INSC: variants seen among roughly 807,000 people sequenced by gnomAD.
INSC encodes the protein protein inscuteable homolog.
Under a neutral mutation model 58.6 loss-of-function variants are expected in INSC, and 67 were observed. That is an observed-to-expected ratio of 1.14 (90% CI 0.94 to 1.40). The LOEUF is 1.40. Among genes scored for constraint, INSC ranks in the 40% most tolerant of loss-of-function variants. The probability of loss-of-function intolerance (pLI) is 0.00; values close to 1 mark genes in which losing one functional copy is unlikely to be tolerated. For missense variants in INSC, 714 were observed against 692.0 expected, an observed-to-expected ratio of 1.03 and a Z score of -0.36; for synonymous variants, 262 against 276.1, an observed-to-expected ratio of 0.95 and a Z score of 0.51.
intron 2 of INSC, among the ~76,000 whole-genome samples, chr11:15,167,356 C>T (rs1398597156): frequency 6.6e-6 from 1 of 152,066 alleles, no homozygotes; most frequent in African/African-American, 2.4e-5. Flanking sequence ...GGCAAGGATT[C>T]CCGCACTTAC....
intron 5 of INSC, among the ~76,000 whole-genome samples, chr11:15,186,200 C>T (rs1159214296): frequency 6.6e-6 from 1 of 152,156 alleles, no homozygotes; most frequent in East Asian, 1.9e-4. Flanking sequence ...ATAGCATCTT[C>T]CTATAGCTTT....
rs59630743 is a variant in INSC at position 15,239,761 on chromosome 11, G to A, written c.1394-686G>A. The stretch of plus-strand genomic sequence containing the variant: ...CACAAGAAGTAGCTCATGTTTATCT[G>A]GGTGAGTCAAAGAATGGTTTAACAA... On this transcript the variant is annotated intron_variant, in intron 11 of 12. Transcript: ENST00000379556. Among the ~76,000 whole-genome samples, 1,395 of 152,304 alleles carry A rather than the reference G, an allele frequency of 9.2e-3. 21 individuals carry two copies. Among genetic ancestry groups the A allele is most frequent in the African/African-American group, 0.032 (1,349 of 41,570 alleles).
At chr11:15,237,758 A>G (rs1235589810) in intron 10 of INSC, among the ~76,000 whole-genome samples, 1 of 152,196 alleles carries the variant, frequency 6.6e-6, no homozygotes, top group Non-Finnish European at 1.5e-5. Flanking sequence ...CGAGCTCACC[A>G]GAGACAGGAT....
Position 15,239,065 on chromosome 11 carries a change from C to A in INSC, c.1384C>A (p.Arg462=). Reference sequence around the variant, plus strand: ...CCCAGATGTGGCACGGGAGGCCGTGCGGCTCAGCTGTGAGTGGTGCTTTCT... The same window carrying A: ...CCCAGATGTGGCACGGGAGGCCGTGAGGCTCAGCTGTGAGTGGTGCTTTCT... ...RDPDVAREAV[R]LSCMSRLIEL... The change falls in exon 11 of 13, where the codon CGG becomes AGG. Residue 462 remains arginine, a synonymous_variant. Coordinates refer to ENST00000379556, the MANE Select transcript of INSC (RefSeq NM_001042536.3). 1 of 1,612,232 alleles carries A rather than the reference C, an allele frequency of 6.2e-7. No homozygotes were observed. Among genetic ancestry groups the A allele is most frequent in the Non-Finnish European group, 8.5e-7 (1 of 1,179,420 alleles).
At chr11:15,262,434 A>G in the INSC span, among the ~76,000 whole-genome samples, 1 of 152,146 alleles carries the variant, frequency 6.6e-6, no homozygotes, top group African/African-American at 2.4e-5. Flanking sequence ...ACTGCTGGAC[A>G]TACTGAGTCC....
intron 7 of INSC, among the ~76,000 whole-genome samples, chr11:15,218,569 T>C (rs992352858): frequency 6.6e-6 from 1 of 152,126 alleles, no homozygotes; most frequent in African/African-American, 2.4e-5. Flanking sequence ...TCTCTATATA[T>C]ATATATGTAC....
chr11:15,128,932 T>C (rs543677025), intron 1 of INSC, among the ~76,000 whole-genome samples: 35 of 152,278 alleles, frequency 2.3e-4, no homozygotes, highest in African/African-American at 8.2e-4. Flanking sequence ...GAAGCTTTTT[T>C]ATCTGCTTGG....
chr11:15,195,849 C>A (rs2133871612), intron 6 of INSC, among the ~76,000 whole-genome samples: 1 of 152,334 alleles, frequency 6.6e-6, no homozygotes, highest in Admixed American at 6.5e-5. Flanking sequence ...GGATGCTGGG[C>A]TGTATATTTA....
the INSC span, among the ~76,000 whole-genome samples, chr11:15,260,174 GT>G: frequency 2.6e-5 from 4 of 151,046 alleles, no homozygotes; most frequent in East Asian, 1.9e-4. Flanking sequence ...TCTGTTTTTT[GT>G]TTTTTTTGTT....
intron 9 of INSC, among the ~76,000 whole-genome samples, chr11:15,229,554 T>C (rs1851767324): frequency 1.3e-5 from 2 of 152,124 alleles, no homozygotes; most frequent in African/African-American, 4.8e-5. Context: ...GTAATGGGGA[T>C]AATAACATTT....
intron 1 of INSC, among the ~76,000 whole-genome samples, chr11:15,115,750 C>T (rs1847676876): frequency 6.6e-6 from 1 of 152,206 alleles, no homozygotes; most frequent in African/African-American, 2.4e-5. Context: ...ACATTCCTGT[C>T]CATGTGCACC....
intron 7 of INSC, among the ~76,000 whole-genome samples, chr11:15,212,180 C>T (rs1017542048): frequency 3.3e-5 from 5 of 152,174 alleles, no homozygotes; most frequent in Non-Finnish European, 5.9e-5. Flanking sequence ...TAGCTCACTG[C>T]AACCTCCGCC....
chr11:15,165,269 C>A (rs959974681), intron 2 of INSC, among the ~76,000 whole-genome samples: 1 of 151,874 alleles, frequency 6.6e-6, no homozygotes. Flanking sequence ...ATGTTTTTGA[C>A]TTTTAAGTAA....
chr11:15,229,969 TATATATATA>T lies in INSC; in HGVS notation c.1170+4142_1170+4150del, dbSNP rs1851811824. 1.2e-3 allele frequency among the ~76,000 whole-genome samples: 15 copies of T among 12,644 alleles called. 3 individuals carry two copies. Among genetic ancestry groups the T allele is most frequent in the African/African-American group, 2.7e-3 (7 of 2,548 alleles). 8.3% of individuals were successfully genotyped at this position (12,644 alleles called of 152,430 possible). A position where few individuals can be genotyped will look rare whatever the true frequency, so the allele number is the denominator to read the frequency against. On this transcript the variant is annotated intron_variant, in intron 9 of 12. Coordinates refer to ENST00000379556, the MANE Select transcript of INSC (RefSeq NM_001042536.3). ...AATATTATATATATATTTATATATATATATATATATTATATATATATATATATATATATA... is the reference window on the plus strand; with the variant it reads ...AATATTATATATATATTTATATATATTTATATATATATATATATATATATA...
chr11:15,213,167 T>G (rs1219918519), intron 7 of INSC, among the ~76,000 whole-genome samples: 1 of 151,772 alleles, frequency 6.6e-6, no homozygotes, highest in African/African-American at 2.4e-5. Context: ...ATACTTTAAG[T>G]TTTACAAACT....
intron 2 of INSC, among the ~76,000 whole-genome samples, chr11:15,151,790 T>C (rs1449308937): frequency 6.6e-6 from 1 of 152,156 alleles, no homozygotes; most frequent in Non-Finnish European, 1.5e-5. Context: ...ATGGGAAGGC[T>C]TCTGGGGTGT....
intron 1 of INSC, among the ~76,000 whole-genome samples, chr11:15,125,925 T>C (rs765979823): frequency 6.6e-5 from 10 of 152,078 alleles, no homozygotes; most frequent in African/African-American, 9.7e-5. Flanking sequence ...AGCTGAGTCT[T>C]GACAGGTGGG....
At chr11:15,113,511 G>A (rs1847623962), upstream of INSC, among the ~76,000 whole-genome samples, 1 of 152,190 alleles carries the variant, frequency 6.6e-6, no homozygotes, top group South Asian at 2.1e-4. Context: ...TCAGAGAGAA[G>A]ATTCTGCAAA....
chr11:15,237,517 G>A (rs988520616), intron 10 of INSC, among the ~76,000 whole-genome samples: 3 of 152,204 alleles, frequency 2.0e-5, no homozygotes, highest in East Asian at 3.9e-4. Flanking sequence ...GCAGTCTCAC[G>A]GGGTTTACCT....
Sources: gnomAD v4.1 joint callset for allele counts (sites outside exome capture counted in the v4.1 genomes callset) on GRCh38, gnomAD v4.1.1 for gene constraint, MANE v1.5 for transcripts, NCBI Gene and HGNC (gene_info 2026-07-23, HGNC 2026-07-21) for gene names.